SMARCC1: variants seen among roughly 807,000 people sequenced by gnomAD.
SMARCC1 encodes SWI/SNF complex subunit SMARCC1.
In SMARCC1, 43 loss-of-function variants were observed where a neutral mutation model predicts 147.4. That is an observed-to-expected ratio of 0.29 (90% CI 0.23 to 0.38). SMARCC1 has a LOEUF of 0.38. Among genes scored for constraint, SMARCC1 ranks in the 10% least tolerant of loss-of-function variants. The pLI is 1.00. For synonymous variants in SMARCC1, 495 were observed against 484.4 expected (o/e 1.02, Z -0.29); for missense variants, 1,119 against 1,381.1 (o/e 0.81, Z 3.01).
chr3:47,590,641 C>T lies in SMARCC1; in HGVS notation c.3220+20G>A, dbSNP rs529357156. The T allele has an allele frequency of 3.2e-5, 48 of 1,490,362 alleles. No individual in the cohort carries two copies. The highest frequency in any genetic ancestry group is 7.7e-5 in the Admixed American group (3 of 38,758). The allele number at this position is 1,490,362 out of a possible 1,614,324, so 92.3% of individuals were successfully genotyped here. A position where few individuals can be genotyped will look rare whatever the true frequency, so the allele number is the denominator to read the frequency against. Reference sequence around the variant, plus strand: ...CAGAACGGACCCTGAGATAATGCATCCCCCCTCCATGTTACTTACACATGC... The same window carrying T: ...CAGAACGGACCCTGAGATAATGCATTCCCCCTCCATGTTACTTACACATGC... On this transcript the variant is annotated intron_variant, in intron 27 of 27. Coordinates refer to ENST00000254480, the MANE Select transcript of SMARCC1 (RefSeq NM_003074.4).
intron 2 of SMARCC1, among the ~76,000 whole-genome samples, chr3:47,748,899 G>T (rs1342764432): frequency 6.6e-6 from 1 of 152,166 alleles, no homozygotes; most frequent in African/African-American, 2.4e-5. Context: ...AGTGAGCATA[G>T]TTTCTCCATC....
intron 8 of SMARCC1, among the ~76,000 whole-genome samples, chr3:47,713,019 T>C (rs1446161434): frequency 6.6e-6 from 1 of 152,062 alleles, no homozygotes; most frequent in Non-Finnish European, 1.5e-5. Context: ...TTTCCAAAAA[T>C]AGTTAAAAAC....
intron 2 of SMARCC1, among the ~76,000 whole-genome samples, chr3:47,766,039 A>AT (rs1481767259): frequency 6.6e-6 from 1 of 151,962 alleles, no homozygotes; most frequent in Non-Finnish European, 1.5e-5. Flanking sequence ...AGCCTAAATG[A>AT]TTTTTTTAAG....
intron 26 of SMARCC1, among the ~76,000 whole-genome samples, chr3:47,599,736 A>C (rs1282745333): frequency 6.6e-6 from 1 of 152,202 alleles, no homozygotes; most frequent in African/African-American, 2.4e-5. Context: ...TGATTGATCC[A>C]TTATTTGCCC....
chr3:47,679,320 T>C (rs567506207), intron 15 of SMARCC1, among the ~76,000 whole-genome samples: 2 of 151,952 alleles, frequency 1.3e-5, no homozygotes, highest in East Asian at 3.9e-4. Context: ...GTTCCAGAAG[T>C]ATATACTGAT....
chr3:47,761,813 A>AT (rs1426220479), intron 2 of SMARCC1, among the ~76,000 whole-genome samples: 2 of 151,916 alleles, frequency 1.3e-5, no homozygotes, highest in Non-Finnish European at 2.9e-5. Context: ...CTCCTATTTC[A>AT]TTTTTTTCTT....
chr3:47,721,649 A>G (rs2034234482), intron 6 of SMARCC1, among the ~76,000 whole-genome samples: 1 of 152,156 alleles, frequency 6.6e-6, no homozygotes, highest in African/African-American at 2.4e-5. Context: ...TCACTGAATA[A>G]AGCCATGAAG....
At chr3:47,726,418 A>C (rs2106817203) in intron 6 of SMARCC1, among the ~76,000 whole-genome samples, 1 of 152,188 alleles carries the variant, frequency 6.6e-6, no homozygotes, top group East Asian at 1.9e-4. Flanking sequence ...GGATTGCTTC[A>C]TCATTATTAT....
At chr3:47,681,340 G>A (rs2033641301) in intron 14 of SMARCC1, among the ~76,000 whole-genome samples, 1 of 152,088 alleles carries the variant, frequency 6.6e-6, no homozygotes. Context: ...GAGGTGCTGG[G>A]GAGATATATT....
chr3:47,596,566 C>CA (rs576365725), intron 26 of SMARCC1, among the ~76,000 whole-genome samples: 7,371 of 122,648 alleles, frequency 0.06, 496 homozygotes, highest in African/African-American at 0.18. Flanking sequence ...GACTCCGTCT[C>CA]AAAAAAAAAA....
rs75767552 is a variant in SMARCC1, at chr3:47,717,210, T to C, written c.717-2720A>G. On this transcript the variant is annotated intron_variant, in intron 7 of 27. Transcript: ENST00000254480. ...TTTACTGATAAAGAATACACATATA[T>C]GCAATAGTCTTGTTCCTCCCCAATT... Among the ~76,000 whole-genome samples the C allele has an allele frequency of 3.1e-3, 472 of 152,282 alleles. 4 individuals carry two copies. In the East Asian group the frequency reaches 0.037, roughly 12 times the overall value.
rs2035050153 is a variant in SMARCC1, at chr3:47,781,656, T to A, written c.142A>T (p.Thr48Ser). 6.4e-7 allele frequency: 1 copy of A among 1,557,048 alleles called. No individual in the cohort carries two copies. The change falls in exon 1 of 28, where the codon ACG becomes TCG. Residue 48 changes from threonine (T) to serine (S), a missense_variant. Transcript: ENST00000254480. ...PATKFWESPE[T>S]VSQLDSVRVW... ...CGCACCGAATCCAGCTGGGACACCG[T>A]CTCCGGGCTCTCCCAAAACTTGGTG... is the stretch of plus-strand genomic sequence containing the variant.
chr3:47,663,187 G>T (rs1286012371), intron 19 of SMARCC1, among the ~76,000 whole-genome samples: 34 of 80,528 alleles, frequency 4.2e-4, no homozygotes, highest in Non-Finnish European at 7.6e-4. Flanking sequence ...GGGGAGAGGG[G>T]AGGGGAGGGG....
intron 2 of SMARCC1, among the ~76,000 whole-genome samples, chr3:47,761,089 C>T (rs189738136): frequency 3.3e-5 from 5 of 151,774 alleles, no homozygotes; most frequent in African/African-American, 2.4e-5. Context: ...GCTGAGATCG[C>T]GCTACCACAC....
intron 3 of SMARCC1, among the ~76,000 whole-genome samples, chr3:47,743,282 A>C (rs896516999): frequency 6.6e-6 from 1 of 152,350 alleles, no homozygotes; most frequent in Non-Finnish European, 1.5e-5. Flanking sequence ...GTGCACACTG[A>C]AACTGGACAC....
intron 2 of SMARCC1, among the ~76,000 whole-genome samples, chr3:47,747,257 A>C (rs928657737): frequency 6.6e-6 from 1 of 150,850 alleles, no homozygotes; most frequent in Admixed American, 6.7e-5. Flanking sequence ...AACATGGTGA[A>C]ACCCCGTCTC....
At chr3:47,727,266 T>C (rs1232402341) in intron 6 of SMARCC1, among the ~76,000 whole-genome samples, 2 of 151,936 alleles carry the variant, frequency 1.3e-5, no homozygotes, top group Admixed American at 6.6e-5. Context: ...CCCAGCACTT[T>C]GGGAGGCCGA....
chr3:47,701,195 C>G (rs1050491985), intron 11 of SMARCC1, 83 bp downstream of exon 11: 8 of 1,175,190 alleles, frequency 6.8e-6, no homozygotes, highest in Admixed American at 6.3e-5. Flanking sequence ...AACTGTGGAC[C>G]CACAGCAAGC....
chr3:47,617,243 C>T (rs1448896968), intron 25 of SMARCC1, among the ~76,000 whole-genome samples: 1 of 152,200 alleles, frequency 6.6e-6, no homozygotes, highest in Non-Finnish European at 1.5e-5. Flanking sequence ...GGTTCAAGCT[C>T]CAGTCTGGAA....
Sources: allele counts gnomAD v4.1 joint callset (sites outside exome capture counted in the v4.1 genomes callset), GRCh38; gene constraint gnomAD v4.1.1; transcripts MANE v1.5; gene names NCBI Gene and HGNC (gene_info 2026-07-23, HGNC 2026-07-21).